Variants in ZNF516 observed in about 807,000 individuals in gnomAD.
The protein encoded by ZNF516 is zinc finger protein 516.
A neutral mutation model predicts 79.7 loss-of-function variants in ZNF516; 19 were observed. That is an observed-to-expected ratio of 0.24 (90% CI 0.17 to 0.35). The LOEUF (loss-of-function observed/expected upper bound fraction) is 0.35, where lower values mean the gene tolerates loss of function less well. ZNF516 is among the 10% of genes least tolerant of loss of function. ZNF516 has a pLI of 1.00. For synonymous variants in ZNF516, 877 were observed against 739.5 expected (o/e 1.19, Z -3.02); for missense variants, 1,678 against 1,679.5 (o/e 1.00, Z 0.02).
chr18:76,483,046 T>G (rs1191491206), intron 1 of ZNF516, among the ~76,000 whole-genome samples: 1 of 152,180 alleles, frequency 6.6e-6, no homozygotes, highest in African/African-American at 2.4e-5. Flanking sequence ...TTTTTCCTCT[T>G]AAGAAAAGAA....
rs986579652 is a variant in ZNF516, at chr18:76,409,172, T to C, written c.1811-28869A>G. The stretch of plus-strand genomic sequence containing the variant: ...CAGCAAGAGAACGATTCCAGGGAAA[T>C]TGAGACTTTGCTTAAATGTGGTTGT... On this transcript the variant is annotated intron_variant, in intron 3 of 6. Coordinates refer to ENST00000443185, the MANE Select transcript of ZNF516 (RefSeq NM_014643.4). 4.5e-5 allele frequency among the ~76,000 whole-genome samples: 6 copies of C among 133,810 alleles called. No individual in the cohort carries two copies. In the South Asian group the frequency reaches 1.1e-3, roughly 25 times the overall value. 87.8% of individuals were successfully genotyped at this position (133,810 alleles called of 152,430 possible). A position where few individuals can be genotyped will look rare whatever the true frequency, so the allele number is the denominator to read the frequency against.
upstream of ZNF516, chr18:76,495,649 C>G: frequency 9.7e-7 from 1 of 1,025,862 alleles, no homozygotes; most frequent in Non-Finnish European, 1.3e-6. Flanking sequence ...GCTGCAGCCC[C>G]GGCTCCCGGA....
Position 76,442,217 on chromosome 18 carries a change from T to C in ZNF516, c.838A>G (p.Ile280Val). ...GGCTCCTTGAACCTACGGCCGCAGA[T>C]GTGGCAGCCGTGGTCGAAGGAGCCC... ...HRGSFDHGCHICGRRFKEPWF... is the reference protein window; with the variant it reads ...HRGSFDHGCHVCGRRFKEPWF... The change falls in exon 3 of 7, where the codon ATC (isoleucine) becomes GTC (valine). Residue 280 changes from isoleucine to valine, a missense_variant. Physicochemically the swap from Ile to Val is conservative, Grantham distance 29. Around this residue, in one of 5 missense-constraint regions of ZNF516, gnomAD observed 17 missense variants for 51.8 expected, o/e 0.33. Transcript: ENST00000443185. 6.2e-7 allele frequency: 1 copy of C among 1,613,790 alleles called. No homozygotes were observed. Among genetic ancestry groups the C allele is most frequent in the Non-Finnish European group, 8.5e-7 (1 of 1,179,860 alleles).
intron 3 of ZNF516, among the ~76,000 whole-genome samples, chr18:76,399,273 A>G (rs1162994379): frequency 6.6e-6 from 1 of 152,274 alleles, no homozygotes; most frequent in Non-Finnish European, 1.5e-5. Flanking sequence ...TGTCTTATGA[A>G]GCACAGCACT....
chr18:76,397,816 C>G (rs1021216426), intron 3 of ZNF516, among the ~76,000 whole-genome samples: 1 of 152,134 alleles, frequency 6.6e-6, no homozygotes, highest in African/African-American at 2.4e-5. Flanking sequence ...CCAGGCTGTT[C>G]TGAAATTCCT....
Position 76,380,301 on chromosome 18 carries a change from C to T in ZNF516, c.1813G>A (p.Gly605Arg). The T allele has an allele frequency of 1.9e-6, 3 of 1,610,648 alleles. No homozygotes were observed. Among genetic ancestry groups the T allele is most frequent in the Non-Finnish European group, 2.5e-6 (3 of 1,177,896 alleles). The change falls in exon 4 of 7, where the codon GGA (glycine) becomes AGA (arginine). Residue 605 changes from glycine (G) to arginine (R), a missense_variant and splice_region_variant. By Grantham distance (125) the Gly-to-Arg change is moderately radical (BLOSUM62 -2). Transcript: ENST00000443185. ...GAAAAGCAGCAGCGGCGCGGCTGTC[C>T]CCCTAGAGGAGGCAAAATATGAAAC... ...EEGAPEPAPG[G>R]QPRRCCFSEE...
intron 3 of ZNF516, among the ~76,000 whole-genome samples, chr18:76,410,473 C>G (rs1167729301): frequency 2.0e-5 from 3 of 152,240 alleles, no homozygotes; most frequent in African/African-American, 7.2e-5. Flanking sequence ...GGAGGCCTTG[C>G]CTCGAACAGG....
rs1259604330 is a variant in ZNF516 at position 76,451,718 on chromosome 18, C to T, written c.-157-8507G>A. ...GTTTGTTCTCCGGGAAACAATGAGA[C>T]GGGCTTCACTAGTTACACTGTAGTA... On this transcript the variant is annotated intron_variant, in intron 2 of 6. Coordinates refer to ENST00000443185, the MANE Select transcript of ZNF516 (RefSeq NM_014643.4). The surrounding 1 kb of genome is among the most constrained non-coding windows in gnomAD (Gnocchi z 6.0). Among the ~76,000 whole-genome samples the T allele has an allele frequency of 6.6e-6, 1 of 152,134 alleles. No homozygotes were observed. The highest frequency in any genetic ancestry group is 1.5e-5 in the Non-Finnish European group (1 of 68,020).
At position 76,441,445 on chromosome 18, in the gene ZNF516, T is replaced by C; in HGVS notation, c.1610A>G (p.His537Arg). The change falls in exon 3 of 7, where the codon CAT (histidine) becomes CGT (arginine). Residue 537 changes from histidine to arginine, a missense_variant. Physicochemically the swap from His to Arg is conservative, Grantham distance 29. Transcript: ENST00000443185. ...GTCCCTCTCGCGGCGCGCGCGGCGA[T>C]GCACGCGTGAGTGCAGCACCATCTG... ...YHQMVLHSRV[H>R]RRARRERDSD... 1.9e-6 allele frequency: 3 copies of C among 1,606,476 alleles called. No homozygotes were observed. Among genetic ancestry groups the C allele is most frequent in the Non-Finnish European group, 2.5e-6 (3 of 1,177,710 alleles).
chr18:76,422,936 T>C (rs1309435880), intron 3 of ZNF516, among the ~76,000 whole-genome samples: 1 of 152,204 alleles, frequency 6.6e-6, no homozygotes, highest in Non-Finnish European at 1.5e-5. Flanking sequence ...CATTTTTACC[T>C]GATAAAGGAA....
intron 3 of ZNF516, among the ~76,000 whole-genome samples, chr18:76,405,824 A>AG (rs1394072987): frequency 6.6e-6 from 1 of 151,818 alleles, no homozygotes; most frequent in Non-Finnish European, 1.5e-5. Flanking sequence ...CCCATACTTC[A>AG]GTCAGGGTCA....
rs1915164306 is a variant in ZNF516 at position 76,491,159 on chromosome 18, T to C, written c.-272+3985A>G. The C allele has an allele frequency of 3.0e-5, 28 of 940,446 alleles. No homozygotes were observed. The South Asian group carries it at 1.1e-3, about 36-fold the overall frequency. The allele number at this position is 940,446 out of a possible 1,614,324, so 58.3% of individuals were successfully genotyped here. A position where few individuals can be genotyped will look rare whatever the true frequency, so the allele number is the denominator to read the frequency against. On this transcript the variant is annotated intron_variant, in intron 1 of 6. Transcript: ENST00000443185. ...AAGTTTAAAATAGAAACCAATTACC[T>C]GGGCTCCGCCGCGCCTCGGCCCCCG...
chr18:76,398,881 T>A (rs1211642598), intron 3 of ZNF516, among the ~76,000 whole-genome samples: 1 of 152,182 alleles, frequency 6.6e-6, no homozygotes. Context: ...CCAAATTCCG[T>A]GTCTTTTACA....
chr18:76,477,504 C>T (rs745450766), intron 1 of ZNF516, among the ~76,000 whole-genome samples: 4 of 152,170 alleles, frequency 2.6e-5, no homozygotes, highest in Non-Finnish European at 5.9e-5. Flanking sequence ...AGTCTTGAGA[C>T]ACATGGGACA....
At chr18:76,405,363 C>CA (rs1192507372) in intron 3 of ZNF516, among the ~76,000 whole-genome samples, 1 of 152,182 alleles carries the variant, frequency 6.6e-6, no homozygotes, top group African/African-American at 2.4e-5. Flanking sequence ...CTCCACCCCA[C>CA]ACTGCACACA....
rs1913519070 is a variant in ZNF516 at position 76,467,065 on chromosome 18, G to A, written c.-271-3924C>T. Among the ~76,000 whole-genome samples, 1 of 152,166 alleles carries A rather than the reference G, an allele frequency of 6.6e-6. No homozygotes were observed. The highest frequency in any genetic ancestry group is 1.5e-5 in the Non-Finnish European group (1 of 68,010). ...GGCCTCTGGGAAGTAAAATCAGGCA[G>A]AGGCAGCCGTGGCCTCGCTGAACCT... On this transcript the variant is annotated intron_variant, in intron 1 of 6. Transcript: ENST00000443185. This position sits in a 1 kb window ranked among gnomAD's most constrained non-coding sequence, Gnocchi z 4.2.
Position 76,379,874 on chromosome 18 carries a change from T to G in ZNF516, c.2240A>C (p.Lys747Thr). Residue 747 changes from lysine (K) to threonine (T), a missense_variant, in exon 4 of 7, where the codon AAG becomes ACG. By Grantham distance (78) the Lys-to-Thr change is moderately conservative. This residue lies in a region of ZNF516 where 1,294 missense variants were observed against 1,248.3 expected (regional missense o/e 1.04). Transcript: ENST00000443185. ...CGCCTGCAGGGAGGAGGCCGTCTCC[T>G]TATTGCTGGGGTCATCCCGCGTCGA... is the stretch of plus-strand genomic sequence containing the variant. ...ARSTRDDPSN[K>T]ETASSLQAAL... 6.2e-7 allele frequency: 1 copy of G among 1,613,924 alleles called. No homozygotes were observed. Among genetic ancestry groups the G allele is most frequent in the Non-Finnish European group, 8.5e-7 (1 of 1,179,876 alleles).
intron 3 of ZNF516, among the ~76,000 whole-genome samples, chr18:76,411,340 C>T (rs1045582017): frequency 2.0e-5 from 3 of 152,222 alleles, no homozygotes; most frequent in African/African-American, 7.2e-5. Flanking sequence ...CATCAACAGC[C>T]TCCAAAATAC....
At chr18:76,439,831 C>A (rs1482382218) in intron 3 of ZNF516, among the ~76,000 whole-genome samples, 3 of 152,074 alleles carry the variant, frequency 2.0e-5, no homozygotes, top group Non-Finnish European at 4.4e-5. Context: ...CAGAGTATTA[C>A]TGGAACATAA....
Sources: allele counts gnomAD v4.1 joint callset (sites outside exome capture counted in the v4.1 genomes callset), GRCh38; gene constraint gnomAD v4.1.1; regional missense constraint gnomAD v4.1.1; non-coding constraint Gnocchi (gnomAD v3.1); transcripts MANE v1.5; gene names NCBI Gene and HGNC (gene_info 2026-07-23, HGNC 2026-07-21).